FANCC: variants seen among roughly 807,000 people sequenced by gnomAD.
FANCC encodes Fanconi anemia group C protein.
A neutral mutation model predicts 71.3 loss-of-function variants in FANCC; 55 were observed. That is an observed-to-expected ratio of 0.77 (90% CI 0.62 to 0.97). FANCC has a LOEUF of 0.97. Ranked by LOEUF, FANCC falls within the 50% of genes least tolerant of loss-of-function variation. The pLI, the probability that FANCC is intolerant of heterozygous loss-of-function variation, is 0.00. For missense variants in FANCC, 678 were observed against 670.9 expected (o/e 1.01, Z -0.12); for synonymous variants, 275 against 244.9 (o/e 1.12, Z -1.15).
chr9:95,316,380 T>A (rs1295174560), intron 1 of FANCC, among the ~76,000 whole-genome samples: 1 of 152,222 alleles, frequency 6.6e-6, no homozygotes, highest in South Asian at 2.1e-4. Context: ...AGGTAATGAA[T>A]GATCTCAACA....
chr9:95,112,126 C>A (rs138095853), intron 12 of FANCC, among the ~76,000 whole-genome samples: 4 of 152,294 alleles, frequency 2.6e-5, no homozygotes, highest in Non-Finnish European at 4.4e-5. Flanking sequence ...TGCATCAATG[C>A]CAGAAAGTTG....
chr9:95,282,538 G>A (rs557337877), intron 1 of FANCC, among the ~76,000 whole-genome samples: 35 of 152,178 alleles, frequency 2.3e-4, no homozygotes, highest in African/African-American at 8.4e-4. Flanking sequence ...TAGACAGAAA[G>A]TCAACAAAGA....
At chr9:95,107,385 AGAGAGG>A (rs2071533128) in intron 13 of FANCC, 116 bp from the exon 14 acceptor site, 6 of 1,130,878 alleles carry the variant, frequency 5.3e-6, no homozygotes, top group Non-Finnish European at 5.1e-6. Context: ...CTGGCCCCTG[AGAGAGG>A]GAGCTAGGCA....
rs1487784441 is a variant in FANCC, at chr9:95,101,248, G to A, written c.*459C>T. The A allele has an allele frequency of 5.2e-5, 15 of 290,522 alleles. No individual in the cohort carries two copies. In the East Asian group the frequency reaches 7.4e-4, roughly 14 times the overall value. The allele number at this position is 290,522 out of a possible 1,614,324, so 18.0% of individuals were successfully genotyped here. A position where few individuals can be genotyped will look rare whatever the true frequency, so the allele number is the denominator to read the frequency against. ...TTTCTCCATACAGCAAGACAGTGTG[G>A]CTTTATCCCAGATCCCTGACTCCTA... On this transcript the variant is annotated 3_prime_UTR_variant, in exon 15 of 15. Transcript: ENST00000289081.
intron 1 of FANCC, among the ~76,000 whole-genome samples, chr9:95,275,408 T>G (rs149991673): frequency 1.6e-3 from 242 of 152,318 alleles, no homozygotes; most frequent in African/African-American, 5.5e-3. Context: ...TTCTGTATGA[T>G]ACTATAATAG....
At chr9:95,148,843 A>G (rs1329264734) in intron 7 of FANCC, among the ~76,000 whole-genome samples, 1 of 152,236 alleles carries the variant, frequency 6.6e-6, no homozygotes, top group Non-Finnish European at 1.5e-5. Context: ...TTAAAAAATG[A>G]CCATTTTCAA....
rs1458695374 is a variant in FANCC at position 95,261,730 on chromosome 9, T to C, written c.-78-12361A>G. ...TCCAGGAGAAAATAAAGAAATTAAATAAAGACCTTCAGAAATTCCTATGCA... is the reference window on the plus strand; with the variant it reads ...TCCAGGAGAAAATAAAGAAATTAAACAAAGACCTTCAGAAATTCCTATGCA... On this transcript the variant is annotated intron_variant, in intron 1 of 14. Transcript: ENST00000289081. Among the ~76,000 whole-genome samples, 4 of 152,098 alleles carry C rather than the reference T, an allele frequency of 2.6e-5. No individual in the cohort carries two copies. In the East Asian group the frequency reaches 5.8e-4, roughly 22 times the overall value.
chr9:95,293,577 G>A (rs994281638), intron 1 of FANCC: 18 of 1,613,804 alleles, frequency 1.1e-5, no homozygotes, highest in South Asian at 3.3e-5. Flanking sequence ...TTCAATCAAC[G>A]TGCAGACAGA....
chr9:95,216,234 T>C (rs1828855536), intron 4 of FANCC, among the ~76,000 whole-genome samples: 1 of 152,066 alleles, frequency 6.6e-6, no homozygotes, highest in Admixed American at 6.5e-5. Flanking sequence ...ACAAAAAGTA[T>C]TACCAGGAAA....
chr9:95,227,112 C>T (rs150540356), intron 4 of FANCC, among the ~76,000 whole-genome samples: 46 of 152,332 alleles, frequency 3.0e-4, no homozygotes, highest in Non-Finnish European at 5.6e-4. Flanking sequence ...AGTCAGAGTT[C>T]CTGAGAGCCC....
intron 4 of FANCC, among the ~76,000 whole-genome samples, chr9:95,198,440 T>C (rs1397281250): frequency 1.3e-5 from 2 of 152,212 alleles, no homozygotes; most frequent in Non-Finnish European, 2.9e-5. Flanking sequence ...ATACAAAATA[T>C]GTTTTGCATG....
At chr9:95,207,897 G>A (rs891388659) in intron 4 of FANCC, among the ~76,000 whole-genome samples, 1 of 152,106 alleles carries the variant, frequency 6.6e-6, no homozygotes, top group Admixed American at 6.6e-5. Flanking sequence ...TCTTTTCGGT[G>A]TTTATTTTAA....
chr9:95,296,619 C>A (rs1369824609), intron 1 of FANCC, among the ~76,000 whole-genome samples: 1 of 151,580 alleles, frequency 6.6e-6, no homozygotes, highest in Non-Finnish European at 1.5e-5. Context: ...GTATGGATTT[C>A]GATATGAAGA....
intron 4 of FANCC, among the ~76,000 whole-genome samples, chr9:95,174,739 G>A (rs1462345861): frequency 1.3e-5 from 2 of 152,160 alleles, no homozygotes; most frequent in Non-Finnish European, 2.9e-5. Context: ...ATAAATGTAT[G>A]TATGTAACTT....
At chr9:95,274,733 A>G (rs1299403671) in intron 1 of FANCC, among the ~76,000 whole-genome samples, 2 of 152,192 alleles carry the variant, frequency 1.3e-5, no homozygotes, top group East Asian at 3.8e-4. Context: ...ACTGCCAGAA[A>G]TTTATCATTT....
intron 8 of FANCC, chr9:95,126,872 G>C: frequency 2.5e-6 from 1 of 398,310 alleles, no homozygotes; most frequent in South Asian, 2.5e-5. Flanking sequence ...GTAAGTATTA[G>C]AGAAACTTTA....
At chr9:95,306,920 C>T (rs535559698) in intron 1 of FANCC, among the ~76,000 whole-genome samples, 3 of 152,276 alleles carry the variant, frequency 2.0e-5, no homozygotes, top group East Asian at 3.9e-4. Context: ...GTCACCCAGG[C>T]TGGAGTGCAG....
At chr9:95,129,340 A>C (rs1262147152) in intron 8 of FANCC, among the ~76,000 whole-genome samples, 2 of 152,212 alleles carry the variant, frequency 1.3e-5, no homozygotes, top group Non-Finnish European at 2.9e-5. Flanking sequence ...TCACAAAAGC[A>C]ATCTTAAGCT....
intron 1 of FANCC, among the ~76,000 whole-genome samples, chr9:95,275,652 G>C (rs144227381): frequency 2.6e-5 from 4 of 152,248 alleles, no homozygotes; most frequent in African/African-American, 4.8e-5. Context: ...ACCTAAAACT[G>C]CTCTAAAAAA....
Sources: gnomAD v4.1 joint callset for allele counts (sites outside exome capture counted in the v4.1 genomes callset) on GRCh38, gnomAD v4.1.1 for gene constraint, MANE v1.5 for transcripts, NCBI Gene and HGNC (gene_info 2026-07-23, HGNC 2026-07-21) for gene names.